Variants in CATSPER1 observed in about 807,000 individuals in gnomAD.
CATSPER1 encodes the protein cation channel sperm associated 1.
Under a neutral mutation model 72.7 loss-of-function variants are expected in CATSPER1, and 57 were observed. That is an observed-to-expected ratio of 0.78 (90% CI 0.63 to 0.98). The LOEUF is 0.98. Among genes scored for constraint, CATSPER1 ranks in the 50% least tolerant of loss-of-function variants. The probability of loss-of-function intolerance (pLI) is 0.00; values close to 1 mark genes in which losing one functional copy is unlikely to be tolerated. For synonymous variants in CATSPER1, 363 were observed against 403.0 expected (o/e 0.90, Z 1.19); for missense variants, 910 against 1,033.9 (o/e 0.88, Z 1.64).
chr11:66,021,013 TC>T, intron 5 of CATSPER1, 59 bp from the exon 6 acceptor site: 1 of 1,609,882 alleles, frequency 6.2e-7, no homozygotes, highest in Non-Finnish European at 8.5e-7. Context: ...GCGCCCCTCG[TC>T]CTGCCCCATC....
chr11:66,016,927 G>A lies in CATSPER1; in HGVS notation c.2317-11C>T. 1 of 1,614,102 alleles carries A rather than the reference G, an allele frequency of 6.2e-7. No individual in the cohort carries two copies. The highest frequency in any genetic ancestry group is 8.5e-7 in the Non-Finnish European group (1 of 1,179,966). On this transcript the variant is annotated splice_polypyrimidine_tract_variant and intron_variant, in intron 11 of 11. Coordinates refer to ENST00000312106, the MANE Select transcript of CATSPER1 (RefSeq NM_053054.4). Reference sequence around the variant, plus strand: ...GTCCTCTTCTCCAGCCTGCAGGGGTGAGTGGGGCACTGGTGGGTGAATGAG... The same window carrying A: ...GTCCTCTTCTCCAGCCTGCAGGGGTAAGTGGGGCACTGGTGGGTGAATGAG...
chr11:66,022,218 T>G (rs984234910), intron 2 of CATSPER1, among the ~76,000 whole-genome samples: 4 of 152,100 alleles, frequency 2.6e-5, no homozygotes, highest in African/African-American at 7.2e-5. Context: ...TGGGCACCTG[T>G]AGTCCCAGCT....
Position 66,016,886 on chromosome 11 carries a change from G to A in CATSPER1, c.*4C>T, listed in dbSNP as rs776384021. The stretch of plus-strand genomic sequence containing the variant: ...TGAAGTCTGTATCTGGTGTCCTCCT[G>A]GGGTCAATTCCTGAAGTCCTCTTCT... On this transcript the variant is annotated 3_prime_UTR_variant, in exon 12 of 12. Transcript: ENST00000312106. 6.2e-7 allele frequency: 1 copy of A among 1,613,918 alleles called. No individual in the cohort carries two copies. The highest frequency in any genetic ancestry group is 1.1e-5 in the South Asian group (1 of 91,062).
chr11:66,026,148 A>T lies in CATSPER1; in HGVS notation c.232T>A (p.Ser78Thr), dbSNP rs1177616931. ...DQALSSHVHQ[S>T]HHHSEARNHG... ...TTCCGTGCCTCGCTGTGGTGGTGAG[A>T]TTGGTGGACATGGGAGGACAAGGCT... The change falls in exon 1 of 12, where the codon TCT becomes ACT. Residue 78 changes from serine to threonine, a missense_variant. Coordinates refer to ENST00000312106, the MANE Select transcript of CATSPER1 (RefSeq NM_053054.4). 6 of 1,605,634 alleles carry T rather than the reference A, an allele frequency of 3.7e-6. No homozygotes were observed. Among genetic ancestry groups the T allele is most frequent in the Non-Finnish European group, 5.1e-6 (6 of 1,173,272 alleles).
chr11:66,020,941 C>G lies in CATSPER1; in HGVS notation c.1797G>C (p.Ala599=), dbSNP rs148871160. The G allele has an allele frequency of 1.7e-5, 27 of 1,613,994 alleles. No homozygotes were observed. Among genetic ancestry groups the G allele is most frequent in the Non-Finnish European group, 2.2e-5 (26 of 1,180,026 alleles). The change falls in exon 6 of 12, where the codon GCG becomes GCC. Residue 599 remains alanine, a synonymous_variant. Transcript: ENST00000312106. This position sits in a 1 kb window ranked among gnomAD's most constrained non-coding sequence, Gnocchi z 4.5. ...ATTTGCGGAACAGTGCCCGGAGGAC[C>G]GCGGAGAAGAGGACTGGCTGTTCAG... The part of the protein sequence containing the change: ...LMFTCLFLFS[A]VLRALFRKSD...
At chr11:66,022,642 C>G (rs964693221) in intron 2 of CATSPER1, among the ~76,000 whole-genome samples, 1 of 152,276 alleles carries the variant, frequency 6.6e-6, no homozygotes, top group East Asian at 1.9e-4. Flanking sequence ...AGCACCGCCT[C>G]CCGCCTAGCG....
intron 10 of CATSPER1, among the ~76,000 whole-genome samples, chr11:66,017,958 GGA>G (rs1198686498): frequency 6.6e-6 from 1 of 152,184 alleles, no homozygotes; most frequent in Non-Finnish European, 1.5e-5. Flanking sequence ...CAACACTTTG[GGA>G]GGTCAAGGCA....
chr11:66,022,660 C>T (rs1379369750), intron 2 of CATSPER1, among the ~76,000 whole-genome samples, 189 bp downstream of exon 2: 1 of 152,268 alleles, frequency 6.6e-6, no homozygotes. Context: ...GCGGGTCCTT[C>T]TGTCTCGGGC....
rs767160886 is a variant in CATSPER1 at position 66,021,579 on chromosome 11, G to A, written c.1608C>T (p.Ile536=). Residue 536 remains isoleucine (I), a synonymous_variant, in exon 4 of 12, where the codon ATC becomes ATT. Transcript: ENST00000312106. ...FLLMQTHSFA[I]YHQSLFRILK... ...GGATCCGGAAGAGGCTTTGGTGGTA[G>A]ATGGCGAAGGAGTGGGTCTGCATCA... 1.1e-5 allele frequency: 18 copies of A among 1,613,116 alleles called. No homozygotes were observed. The highest frequency in any genetic ancestry group is 1.4e-5 in the Non-Finnish European group (17 of 1,179,564).
At position 66,020,060 on chromosome 11, in the gene CATSPER1, G is replaced by A; in HGVS notation, c.2125+80C>T. The A allele has an allele frequency of 6.9e-7, 1 of 1,439,068 alleles. No individual in the cohort carries two copies. Among genetic ancestry groups the A allele is most frequent in the Non-Finnish European group, 9.7e-7 (1 of 1,026,202 alleles). 89.1% of individuals were successfully genotyped at this position (1,439,068 alleles called of 1,614,324 possible). On this transcript the variant is annotated intron_variant, in intron 9 of 11. Transcript: ENST00000312106. This position sits in a 1 kb window ranked among gnomAD's most constrained non-coding sequence, Gnocchi z 4.5. ...AAACTGAGTCTGGAATTCTGTGACT[G>A]TGGAAGGAGGTTAGGGGGATGGAGA...
Position 66,017,889 on chromosome 11 carries a change from A to G in CATSPER1, c.2202-715T>C, listed in dbSNP as rs76992120. 8.4e-3 allele frequency among the ~76,000 whole-genome samples: 1,285 copies of G among 152,282 alleles called. 17 individuals are homozygous for G. Among genetic ancestry groups the G allele is most frequent in the African/African-American group, 0.029 (1,214 of 41,552 alleles). On this transcript the variant is annotated intron_variant, in intron 10 of 11. Transcript: ENST00000312106. Reference sequence around the variant, plus strand: ...GGAAAGACTTCTGGAGGCAGCGTCAATGAGCTGAGTTTGAAAGATAAGTGA... The same window carrying G: ...GGAAAGACTTCTGGAGGCAGCGTCAGTGAGCTGAGTTTGAAAGATAAGTGA...
chr11:66,017,193 G>GTGGGGGGGGGGGGGGGGGGGGGC lies in CATSPER1; in HGVS notation c.2202-20_2202-19insGCCCCCCCCCCCCCCCCCCCCCA. On this transcript the variant is annotated intron_variant, in intron 10 of 11. Coordinates refer to ENST00000312106, the MANE Select transcript of CATSPER1 (RefSeq NM_053054.4). ...CTGCTGCCTGCGGGTGGGCGGGGGG[G>GTGGGGGGGGGGGGGGGGGGGGGC]TCGCAGAGACAGGGGCTGGGCTGAC... 1 of 493,812 alleles carries GTGGGGGGGGGGGGGGGGGGGGGC rather than the reference G, an allele frequency of 2.0e-6. No homozygotes were observed. The highest frequency in any genetic ancestry group is 4.0e-6 in the Non-Finnish European group (1 of 252,618). The allele number at this position is 493,812 out of a possible 1,614,324, so 30.6% of individuals were successfully genotyped here.
In CATSPER1 at chr11:66,021,795, G is replaced by A. The variant is rs74484098; in HGVS notation, c.1514C>T (p.Ser505Leu). The change falls in exon 3 of 12, where the codon TCG becomes TTG. Residue 505 changes from serine to leucine, a missense_variant. By Grantham distance (145) the Ser-to-Leu change is moderately radical. Coordinates refer to ENST00000312106, the MANE Select transcript of CATSPER1 (RefSeq NM_053054.4). Reference protein sequence around the residue: ...ALLKIIALGLSYFFDFWNNLD... With the variant: ...ALLKIIALGLLYFFDFWNNLD... ...ATTGTTCCAGAAGTCAAAGAAGTAC[G>A]AGAGGCCCAGGGCGATGATCTTGAG... is the stretch of plus-strand genomic sequence containing the variant. 9.7e-4 allele frequency: 1,563 copies of A among 1,614,124 alleles called. 25 individuals carry two copies. The East Asian group carries it at 0.027, about 28-fold the overall frequency.
chr11:66,021,258 G>A, intron 4 of CATSPER1, 73 bp from the exon 5 acceptor site: 1 of 1,467,426 alleles, frequency 6.8e-7, no homozygotes, highest in Admixed American at 1.9e-5. Flanking sequence ...AGCAGCCACA[G>A]CTGGCGCTGA....
At position 66,020,042 on chromosome 11, in the gene CATSPER1, G is replaced by C; in HGVS notation, c.2125+98C>G. ...TCAAATTCTAAAACTCTAAAACTGA[G>C]TCTGGAATTCTGTGACTGTGGAAGG... On this transcript the variant is annotated intron_variant, in intron 9 of 11. Coordinates refer to ENST00000312106, the MANE Select transcript of CATSPER1 (RefSeq NM_053054.4). This position sits in a 1 kb window ranked among gnomAD's most constrained non-coding sequence, Gnocchi z 4.5. The C allele has an allele frequency of 7.6e-7, 1 of 1,313,580 alleles. No homozygotes were observed. Among genetic ancestry groups the C allele is most frequent in the Non-Finnish European group, 1.1e-6 (1 of 919,014 alleles). The allele number at this position is 1,313,580 out of a possible 1,614,324, so 81.4% of individuals were successfully genotyped here. A position where few individuals can be genotyped will look rare whatever the true frequency, so the allele number is the denominator to read the frequency against.
rs765229047 is a variant in CATSPER1, at chr11:66,025,414, A to G, written c.966T>C (p.Thr322=). Reference sequence around the variant, plus strand: ...ATGTGTGTGGGATAGAGAGTTGGGAAGTGCTCTGGACGTAGTCGCCATGGA... The same window carrying G: ...ATGTGTGTGGGATAGAGAGTTGGGAGGTGCTCTGGACGTAGTCGCCATGGA... ...SYLHGDYVQS[T]SQLSIPHTSR... The change falls in exon 1 of 12, where the codon ACT becomes ACC. Residue 322 remains threonine (T), a synonymous_variant. Coordinates refer to ENST00000312106, the MANE Select transcript of CATSPER1 (RefSeq NM_053054.4). 24 of 1,613,194 alleles carry G rather than the reference A, an allele frequency of 1.5e-5. No individual in the cohort carries two copies. The highest frequency in any genetic ancestry group is 1.9e-5 in the Non-Finnish European group (23 of 1,179,926).
At chr11:66,018,268 T>C (rs12790034) in intron 10 of CATSPER1, among the ~76,000 whole-genome samples, 109,403 of 151,712 alleles carry the variant, frequency 0.72, 41,409 homozygotes, top group Non-Finnish European at 0.83. Context: ...TTACCAGGCT[T>C]GGGCAGGGCT....
chr11:66,019,752 C>A (rs78822462), intron 9 of CATSPER1, among the ~76,000 whole-genome samples: 2,859 of 151,232 alleles, frequency 0.019, 98 homozygotes, highest in African/African-American at 0.064. Flanking sequence ...CACACACACA[C>A]AAAAAAACAA....
intron 1 of CATSPER1, 97 bp downstream of exon 1, chr11:66,025,067 C>G: frequency 6.7e-7 from 1 of 1,485,506 alleles, no homozygotes; most frequent in Non-Finnish European, 9.4e-7. Context: ...GAGGGTCGGG[C>G]CTTACGATCT....
Sources: allele counts gnomAD v4.1 joint callset (sites outside exome capture counted in the v4.1 genomes callset), GRCh38; gene constraint gnomAD v4.1.1; non-coding constraint Gnocchi (gnomAD v3.1); transcripts MANE v1.5; gene names NCBI Gene and HGNC (gene_info 2026-07-23, HGNC 2026-07-21).